The following PAPPA variants were observed in gnomAD, a reference collection of about 807,000 sequenced individuals.
PAPPA encodes pappalysin 1.
A neutral mutation model predicts 164.0 loss-of-function variants in PAPPA; 60 were observed. The observed-to-expected ratio is 0.37, with a 90% CI of 0.30 to 0.45. The LOEUF (loss-of-function observed/expected upper bound fraction) is 0.45, where lower values mean the gene tolerates loss of function less well. PAPPA is among the 20% of genes least tolerant of loss of function. The pLI is 1.00. For missense variants in PAPPA, 1,782 were observed against 2,087.3 expected, an observed-to-expected ratio of 0.85 and a Z score of 2.85; for synonymous variants, 875 against 814.1, an observed-to-expected ratio of 1.07 and a Z score of -1.27.
At chr9:116,337,757 C>T (rs932815866) in intron 13 of PAPPA, among the ~76,000 whole-genome samples, 2 of 152,008 alleles carry the variant, frequency 1.3e-5, no homozygotes, top group Non-Finnish European at 2.9e-5. Flanking sequence ...TCTGTCTCTC[C>T]TGAGAGCAGT....
chr9:116,324,712 G>A (rs558829237), intron 10 of PAPPA, among the ~76,000 whole-genome samples: 74 of 152,316 alleles, frequency 4.9e-4, no homozygotes, highest in African/African-American at 1.7e-3. Flanking sequence ...TTTGAAATGC[G>A]TGTAGTATTT....
intron 6 of PAPPA, among the ~76,000 whole-genome samples, chr9:116,231,071 C>T (rs777273472): frequency 1.7e-5 from 2 of 115,870 alleles, no homozygotes; most frequent in Non-Finnish European, 3.5e-5. Flanking sequence ...TCAACAGCTG[C>T]AGTGTATATA....
At chr9:116,231,097 C>T (rs1007687845) in intron 6 of PAPPA, among the ~76,000 whole-genome samples, 4 of 139,866 alleles carry the variant, frequency 2.9e-5, no homozygotes, top group East Asian at 2.3e-4. Flanking sequence ...AGATATATAA[C>T]GGGTGCCTGT....
chr9:116,358,959 A>T (rs943068141), intron 17 of PAPPA, among the ~76,000 whole-genome samples: 1 of 152,210 alleles, frequency 6.6e-6, no homozygotes, highest in Admixed American at 6.5e-5. Context: ...GTTAGGCTTT[A>T]AATGCTTTAT....
At chr9:116,282,451 A>C (rs774997817) in intron 9 of PAPPA, among the ~76,000 whole-genome samples, 3 of 152,194 alleles carry the variant, frequency 2.0e-5, no homozygotes, top group Non-Finnish European at 4.4e-5. Context: ...TCTCAGACAA[A>C]AGTCATAATA....
At chr9:116,184,223 A>G (rs1311828016) in intron 1 of PAPPA, among the ~76,000 whole-genome samples, 1 of 152,194 alleles carries the variant, frequency 6.6e-6, no homozygotes, top group African/African-American at 2.4e-5. Flanking sequence ...GCAGCAACAG[A>G]TAGATCTGGC....
At chr9:116,279,833 C>G (rs1252498239) in intron 9 of PAPPA, among the ~76,000 whole-genome samples, 5 of 152,170 alleles carry the variant, frequency 3.3e-5, no homozygotes, top group Admixed American at 1.3e-4. Context: ...TAGCTCCTGG[C>G]TCTCAGTTGT....
intron 10 of PAPPA, among the ~76,000 whole-genome samples, chr9:116,308,048 C>T (rs1845669344): frequency 2.0e-5 from 3 of 152,306 alleles, no homozygotes; most frequent in Middle Eastern, 3.4e-3. Context: ...GCTCTAGGGA[C>T]CCACACAGAA....
intron 17 of PAPPA, among the ~76,000 whole-genome samples, chr9:116,362,075 GA>G (rs1846434530): frequency 6.7e-6 from 1 of 149,234 alleles, no homozygotes; most frequent in African/African-American, 2.4e-5. Context: ...ATGAGAAAAG[GA>G]AAAGAAATGT....
chr9:116,157,480 G>A (rs754134737), intron 1 of PAPPA, among the ~76,000 whole-genome samples: 5 of 152,168 alleles, frequency 3.3e-5, no homozygotes, highest in Non-Finnish European at 7.4e-5. Context: ...TCTCTGGAGG[G>A]TCCACCAGTG....
At chr9:116,192,666 GC>G (rs1437746070) in intron 2 of PAPPA, among the ~76,000 whole-genome samples, 5 of 152,172 alleles carry the variant, frequency 3.3e-5, no homozygotes, top group African/African-American at 1.2e-4. Context: ...AGCAGTAAAT[GC>G]CTTTCTATGA....
chr9:116,172,628 C>G (rs181495511), intron 1 of PAPPA, among the ~76,000 whole-genome samples: 1 of 152,288 alleles, frequency 6.6e-6, no homozygotes, highest in East Asian at 1.9e-4. Flanking sequence ...TCCCTCTATG[C>G]TTTTTCACAT....
intron 6 of PAPPA, among the ~76,000 whole-genome samples, chr9:116,230,042 A>G (rs1006286706): frequency 1.3e-5 from 2 of 152,194 alleles, no homozygotes; most frequent in Non-Finnish European, 2.9e-5. Flanking sequence ...TTCTTAAAGC[A>G]TGATATGCAG....
Position 116,399,673 on chromosome 9 carries a change from T to C in PAPPA, c.*3057T>C, listed in dbSNP as rs1847020269. ...AGCTTTTCCAAGCCACAATCTTAAC[T>C]ACCTACCCAAAGGATTTGCATTACC... On this transcript the variant is annotated 3_prime_UTR_variant, in exon 22 of 22. Transcript: ENST00000328252. 1 of 152,596 alleles carries C rather than the reference T, an allele frequency of 6.6e-6. No homozygotes were observed. Among genetic ancestry groups the C allele is most frequent in the Non-Finnish European group, 1.5e-5 (1 of 68,030 alleles). The allele number at this position is 152,596 out of a possible 1,614,324, so 9.5% of individuals were successfully genotyped here. A position where few individuals can be genotyped will look rare whatever the true frequency, so the allele number is the denominator to read the frequency against.
chr9:116,350,394 T>C (rs1297517485), intron 15 of PAPPA, among the ~76,000 whole-genome samples: 2 of 152,188 alleles, frequency 1.3e-5, no homozygotes, highest in Non-Finnish European at 2.9e-5. Context: ...TTGGAGTTTG[T>C]TGCAGGGGTG....
chr9:116,362,867 A>C, intron 18 of PAPPA, 128 bp downstream of exon 18: 1 of 861,138 alleles, frequency 1.2e-6, no homozygotes. Context: ...AGAAAGAGAG[A>C]TGAATTAGTG....
rs148689406 is a variant in PAPPA, at chr9:116,346,192, C to T, written c.3781-834C>T. Reference sequence around the variant, plus strand: ...GGCATCTCCAGTCCCTAGGATTTAGCGGCTTCCTCCTTGAATGAAAGCCTC... The same window carrying T: ...GGCATCTCCAGTCCCTAGGATTTAGTGGCTTCCTCCTTGAATGAAAGCCTC... On this transcript the variant is annotated intron_variant, in intron 14 of 21. Coordinates refer to ENST00000328252, the MANE Select transcript of PAPPA (RefSeq NM_002581.5). Among the ~76,000 whole-genome samples the T allele has an allele frequency of 2.4e-3, 368 of 152,256 alleles. 1 individual carries two copies. Among genetic ancestry groups the T allele is most frequent in the African/African-American group, 7.0e-3 (290 of 41,562 alleles).
chr9:116,308,558 T>C (rs1387273778), intron 10 of PAPPA, among the ~76,000 whole-genome samples: 1 of 152,214 alleles, frequency 6.6e-6, no homozygotes, highest in Admixed American at 6.5e-5. Context: ...AGAACCAAGA[T>C]GCAGGCCACT....
chr9:116,310,572 G>C (rs1395947475), intron 10 of PAPPA, among the ~76,000 whole-genome samples: 3 of 152,048 alleles, frequency 2.0e-5, no homozygotes, highest in Admixed American at 6.6e-5. Context: ...TGGAAACCTT[G>C]GACTGTGGGA....
Sources: gnomAD v4.1 joint callset for allele counts (sites outside exome capture counted in the v4.1 genomes callset) on GRCh38, gnomAD v4.1.1 for gene constraint, MANE v1.5 for transcripts, NCBI Gene and HGNC (gene_info 2026-07-23, HGNC 2026-07-21) for gene names.